Variants in TYW1B observed in about 807,000 individuals in gnomAD.
TYW1B encodes S-adenosyl-L-methionine-dependent tRNA 4-demethylwyosine synthase TYW1B.
Under a neutral mutation model 86.9 loss-of-function variants are expected in TYW1B, and 73 were observed. The ratio of observed to expected loss-of-function variants is 0.84; its 90% CI spans 0.70 to 1.02. TYW1B has a LOEUF of 1.02. Ranked by LOEUF, TYW1B falls within the 50% of genes least tolerant of loss-of-function variation. The pLI is 0.00. For missense variants in TYW1B, 637 were observed against 827.4 expected (o/e 0.77, Z 2.82); for synonymous variants, 248 against 292.8 (o/e 0.85, Z 1.56).
chr7:72,733,650 G>T (rs548017550), intron 8 of TYW1B, among the ~76,000 whole-genome samples: 1 of 152,158 alleles, frequency 6.6e-6, no homozygotes, highest in Non-Finnish European at 1.5e-5. Flanking sequence ...GACAGAGCGA[G>T]ACTCCGTCTC....
chr7:72,721,866 T>C (rs551287839), intron 9 of TYW1B, among the ~76,000 whole-genome samples: 12 of 152,164 alleles, frequency 7.9e-5, no homozygotes, highest in Admixed American at 2.0e-4. Context: ...CTTCATCTCA[T>C]TGAAAGATGA....
At chr7:72,636,848 C>T (rs1229544625) in intron 11 of TYW1B, among the ~76,000 whole-genome samples, 2 of 152,120 alleles carry the variant, frequency 1.3e-5, no homozygotes, top group African/African-American at 2.4e-5. Flanking sequence ...GAGTAAAAAT[C>T]GCTTTTGTCT....
At chr7:72,811,291 GAAAGAAA>G (rs146895068) in intron 3 of TYW1B, among the ~76,000 whole-genome samples, 93,837 of 139,424 alleles carry the variant, frequency 0.67, 32,617 homozygotes, top group Non-Finnish European at 0.75. Flanking sequence ...AAAAAAGAAA[GAAAGAAA>G]AAAGAAAAAA....
chr7:72,613,707 G>A lies in TYW1B; in HGVS notation c.1785+2965C>T, dbSNP rs552213888. On this transcript the variant is annotated intron_variant, in intron 13 of 13. Transcript: ENST00000620995. ...GATTACAGGCATGAGCCACTGCGCCGGGCCCATATTTTCTTTATAAACAAA... is the reference window on the plus strand; with the variant it reads ...GATTACAGGCATGAGCCACTGCGCCAGGCCCATATTTTCTTTATAAACAAA... 2.8e-4 allele frequency among the ~76,000 whole-genome samples: 42 copies of A among 151,852 alleles called. 1 individual carries two copies. The East Asian group carries it at 4.8e-3, about 18-fold the overall frequency.
At chr7:72,632,328 TATATAC>T (rs1563038486) in intron 11 of TYW1B, among the ~76,000 whole-genome samples, 10 of 120,926 alleles carry the variant, frequency 8.3e-5, no homozygotes, top group African/African-American at 2.7e-4. Flanking sequence ...ATATTATATA[TATATAC>T]ACGTATATAT....
intron 6 of TYW1B, among the ~76,000 whole-genome samples, chr7:72,786,735 A>C (rs7787485): frequency 0.69 from 104,710 of 151,674 alleles, 37,103 homozygotes; most frequent in Non-Finnish European, 0.77. Context: ...CCATCACGCC[A>C]AGCTAATTTT....
Position 72,632,355 on chromosome 7 carries a change from TTA to T in TYW1B, c.1507-3360_1507-3359del, listed in dbSNP as rs1384285974. On this transcript the variant is annotated intron_variant, in intron 11 of 13. Coordinates refer to ENST00000620995, the MANE Select transcript of TYW1B (RefSeq NM_001145440.3). ...TATACACGTATATATATTATATATATTATATATATACGCATATATATTATATA... is the reference window on the plus strand; with the variant it reads ...TATACACGTATATATATTATATATATTATATATACGCATATATATTATATA... Among the ~76,000 whole-genome samples, 24 of 117,908 alleles carry T rather than the reference TTA, an allele frequency of 2.0e-4. 1 individual carries two copies. Among genetic ancestry groups the T allele is most frequent in the Non-Finnish European group, 2.8e-4 (17 of 61,516 alleles). The allele number at this position is 117,908 out of a possible 152,430, so 77.4% of individuals were successfully genotyped here. A position where few individuals can be genotyped will look rare whatever the true frequency, so the allele number is the denominator to read the frequency against.
chr7:72,584,149 G>C (rs1811219596), intron 13 of TYW1B, among the ~76,000 whole-genome samples: 1 of 152,094 alleles, frequency 6.6e-6, no homozygotes, highest in Non-Finnish European at 1.5e-5. Context: ...TTGGCTCAAG[G>C]ATCCTCCCTC....
intron 10 of TYW1B, among the ~76,000 whole-genome samples, chr7:72,701,497 CA>C (rs1226613530): frequency 1.3e-5 from 2 of 152,122 alleles, no homozygotes; most frequent in African/African-American, 4.8e-5. Context: ...CTCCTGGCCT[CA>C]AACAACCCTC....
At chr7:72,666,760 G>A (rs1273737359) in intron 11 of TYW1B, among the ~76,000 whole-genome samples, 2 of 151,958 alleles carry the variant, frequency 1.3e-5, no homozygotes, top group African/African-American at 4.8e-5. Flanking sequence ...AGTCGGGCGC[G>A]GTGGCTCACA....
At chr7:72,717,628 G>A (rs1273699644) in intron 9 of TYW1B, among the ~76,000 whole-genome samples, 3 of 148,126 alleles carry the variant, frequency 2.0e-5, no homozygotes, top group Non-Finnish European at 4.4e-5. Context: ...TTAAGGTATT[G>A]GTGTCAGCTG....
In TYW1B at chr7:72,575,613, T is replaced by C. The variant is rs781795689; in HGVS notation, c.1892A>G (p.Asp631Gly). 2 of 1,613,856 alleles carry C rather than the reference T, an allele frequency of 1.2e-6. No homozygotes were observed. Among genetic ancestry groups the C allele is most frequent in the South Asian group, 1.1e-5 (1 of 91,076 alleles). ...SGGSKTFSAK[D>G]YMARTPHWAL... is the part of the protein sequence containing the mutation. ...CCAGTGAGGAGTTCTGGCCATATAA[T>C]CCTTTGCGCTGAACGTTTTTGATCC... Residue 631 changes from aspartate to glycine, a missense_variant, in exon 14 of 14, where the codon GAT (aspartate) becomes GGT (glycine). Physicochemically the swap from Asp to Gly is moderately conservative, Grantham distance 94. Transcript: ENST00000620995.
chr7:72,585,980 G>A (rs1175914864), intron 13 of TYW1B, among the ~76,000 whole-genome samples: 5 of 152,124 alleles, frequency 3.3e-5, no homozygotes, highest in African/African-American at 1.2e-4. Context: ...TGTGAAACGA[G>A]GATTGGAAAA....
Position 72,613,982 on chromosome 7 carries a change from C to A in TYW1B, c.1785+2690G>T, listed in dbSNP as rs1253829889. Among the ~76,000 whole-genome samples, 3 of 120,610 alleles carry A rather than the reference C, an allele frequency of 2.5e-5. No individual in the cohort carries two copies. In the East Asian group the frequency reaches 8.3e-4, roughly 33 times the overall value. 79.1% of individuals were successfully genotyped at this position (120,610 alleles called of 152,430 possible). A position where few individuals can be genotyped will look rare whatever the true frequency, so the allele number is the denominator to read the frequency against. On this transcript the variant is annotated intron_variant, in intron 13 of 13. Coordinates refer to ENST00000620995, the MANE Select transcript of TYW1B (RefSeq NM_001145440.3). ...ATTTCCTCAAATGGTTCAGAAAAGA[C>A]GATGTGTGCACATGTATGCTGGGGG...
intron 9 of TYW1B, 44 bp from the exon 10 acceptor site, chr7:72,713,842 T>C (rs1786726113): frequency 1.3e-6 from 2 of 1,505,976 alleles, no homozygotes; most frequent in African/African-American, 1.4e-5. Flanking sequence ...AAGGCACAGA[T>C]AGAGGATGTC....
At chr7:72,637,377 T>A (rs562930209) in intron 11 of TYW1B, among the ~76,000 whole-genome samples, 1 of 151,978 alleles carries the variant, frequency 6.6e-6, no homozygotes, top group Admixed American at 6.6e-5. Flanking sequence ...AGCTTCATTT[T>A]CTAGGAATTT....
At position 72,662,010 on chromosome 7, in the gene TYW1B, A is replaced by G. The variant is rs115128965; in HGVS notation, c.1506+32677T>C. On this transcript the variant is annotated intron_variant, in intron 11 of 13. Coordinates refer to ENST00000620995, the MANE Select transcript of TYW1B (RefSeq NM_001145440.3). ...CCTGTCCTCAGTCCTACCAAACCCAAAAAATGGCAACCAGAGTCCAAAAAG... is the reference window on the plus strand; with the variant it reads ...CCTGTCCTCAGTCCTACCAAACCCAGAAAATGGCAACCAGAGTCCAAAAAG... 5.3e-3 allele frequency among the ~76,000 whole-genome samples: 810 copies of G among 151,882 alleles called. 7 individuals carry two copies. The highest frequency in any genetic ancestry group is 0.017 in the African/African-American group (695 of 41,200).
chr7:72,812,700 GGTTTTTTT>G (rs1318014930), intron 3 of TYW1B, among the ~76,000 whole-genome samples: 5 of 151,130 alleles, frequency 3.3e-5, no homozygotes, highest in Non-Finnish European at 1.5e-5. Flanking sequence ...TGCCTTTTGG[GGTTTTTTT>G]TTTTTTTTTG....
At chr7:72,639,110 G>A (rs1269119479) in intron 11 of TYW1B, among the ~76,000 whole-genome samples, 2 of 151,824 alleles carry the variant, frequency 1.3e-5, no homozygotes, top group Admixed American at 6.6e-5. Flanking sequence ...ATTACTCTGA[G>A]AAAAAAAGTT....
Sources: allele counts gnomAD v4.1 joint callset (sites outside exome capture counted in the v4.1 genomes callset), GRCh38; gene constraint gnomAD v4.1.1; transcripts MANE v1.5; gene names NCBI Gene and HGNC (gene_info 2026-07-23, HGNC 2026-07-21).